The following DACH1 variants were observed in gnomAD, a reference collection of about 807,000 sequenced individuals.
DACH1 encodes dachshund homolog 1.
In DACH1, 12 loss-of-function variants were observed where a neutral mutation model predicts 54.2. That is an observed-to-expected ratio of 0.22 (90% CI 0.14 to 0.36). The LOEUF is 0.36. Ranked by LOEUF, DACH1 falls within the 10% of genes least tolerant of loss-of-function variation. The pLI is 1.00. For synonymous variants in DACH1, 386 were observed against 366.2 expected (o/e 1.05, Z -0.62); for missense variants, 805 against 929.8 (o/e 0.87, Z 1.75).
chr13:71,536,007 C>T (rs1414302258), intron 6 of DACH1, among the ~76,000 whole-genome samples: 1 of 151,846 alleles, frequency 6.6e-6, no homozygotes, highest in Non-Finnish European at 1.5e-5. Context: ...GATTAATTCT[C>T]ATATTTGTTT....
intron 2 of DACH1, among the ~76,000 whole-genome samples, chr13:71,679,585 G>T (rs758600003): frequency 2.3e-4 from 35 of 149,160 alleles, no homozygotes; most frequent in Admixed American, 4.6e-4. Flanking sequence ...TATTAAAATG[G>T]TTATTTAAAA....
At chr13:71,831,930 G>A (rs1042611911) in intron 1 of DACH1, among the ~76,000 whole-genome samples, 1 of 151,846 alleles carries the variant, frequency 6.6e-6, no homozygotes, top group East Asian at 1.9e-4. Flanking sequence ...AGCGACCCTG[G>A]GGTGATTTAT....
At chr13:71,838,019 G>A (rs1326493597) in intron 1 of DACH1, among the ~76,000 whole-genome samples, 1 of 45,860 alleles carries the variant, frequency 2.2e-5, no homozygotes. Flanking sequence ...AGGGGGGAGG[G>A]GGGAGGGAAA....
chr13:71,613,435 G>C (rs897951713), intron 3 of DACH1, among the ~76,000 whole-genome samples: 2 of 152,124 alleles, frequency 1.3e-5, no homozygotes, highest in African/African-American at 2.4e-5. Flanking sequence ...TTTTTTAAAA[G>C]GAAATCTTAT....
In DACH1 at chr13:71,440,701, GA is replaced by G; in HGVS notation, c.2084-10del. On this transcript the variant is annotated splice_polypyrimidine_tract_variant and intron_variant, in intron 10 of 10. Transcript: ENST00000613252. The stretch of plus-strand genomic sequence containing the variant: ...CAAATACAGTCTTCCATCTAGAAAT[GA>G]ACAGTGAAAAATTAATTAATGGCAT... The G allele has an allele frequency of 6.3e-7, 1 of 1,595,768 alleles. No homozygotes were observed. Among genetic ancestry groups the G allele is most frequent in the Non-Finnish European group, 8.5e-7 (1 of 1,169,674 alleles).
At chr13:71,861,089 G>T (rs145196974) in intron 1 of DACH1, among the ~76,000 whole-genome samples, 6 of 151,824 alleles carry the variant, frequency 4.0e-5, no homozygotes, top group Non-Finnish European at 5.9e-5. Flanking sequence ...GTTAATATTT[G>T]TCCCAGTAGT....
chr13:71,680,561 G>A (rs912730786), intron 2 of DACH1, among the ~76,000 whole-genome samples: 1 of 152,162 alleles, frequency 6.6e-6, no homozygotes, highest in Non-Finnish European at 1.5e-5. Context: ...CCACGACTGA[G>A]CGACTGCATT....
intron 1 of DACH1, among the ~76,000 whole-genome samples, chr13:71,806,035 G>A (rs939734215): frequency 6.6e-6 from 1 of 152,078 alleles, no homozygotes. Context: ...TCGAACTCCC[G>A]ACCTCAGGTG....
intron 1 of DACH1, among the ~76,000 whole-genome samples, chr13:71,791,193 T>C (rs1208932853): frequency 6.6e-6 from 1 of 152,182 alleles, no homozygotes; most frequent in Non-Finnish European, 1.5e-5. Flanking sequence ...TCTCTTTACT[T>C]ACACCTAAAA....
chr13:71,580,232 C>T (rs544852915), intron 3 of DACH1, among the ~76,000 whole-genome samples: 3 of 152,156 alleles, frequency 2.0e-5, no homozygotes, highest in Non-Finnish European at 4.4e-5. Flanking sequence ...AGTATCTATG[C>T]TAATTTTGCT....
At chr13:71,561,886 A>G (rs1465119194) in intron 4 of DACH1, among the ~76,000 whole-genome samples, 1 of 152,108 alleles carries the variant, frequency 6.6e-6, no homozygotes, top group African/African-American at 2.4e-5. Flanking sequence ...AAATGAAAAT[A>G]ACCAGAAAAA....
At chr13:71,702,727 A>G (rs1297760972) in intron 1 of DACH1, among the ~76,000 whole-genome samples, 1 of 152,150 alleles carries the variant, frequency 6.6e-6, no homozygotes, top group African/African-American at 2.4e-5. Context: ...CCAAATCGAG[A>G]GTTAATTTTA....
At chr13:71,801,051 A>G (rs1415385270) in intron 1 of DACH1, among the ~76,000 whole-genome samples, 1 of 149,670 alleles carries the variant, frequency 6.7e-6, no homozygotes, top group African/African-American at 2.5e-5. Context: ...CATTATACAC[A>G]TGTAACTTAC....
chr13:71,461,865 ATT>A lies in DACH1; in HGVS notation c.2083+13274_2083+13275del, dbSNP rs1232928219. ...AAGACATCAAAATTATTAATATAAT[ATT>A]GTTTTACCATAGAAATCAAATAATT... is the stretch of plus-strand genomic sequence containing the variant. On this transcript the variant is annotated intron_variant, in intron 10 of 10. Coordinates refer to ENST00000613252, the MANE Select transcript of DACH1 (RefSeq NM_080759.6). 2.6e-5 allele frequency among the ~76,000 whole-genome samples: 4 copies of A among 152,158 alleles called. No individual in the cohort carries two copies. The East Asian group carries it at 5.8e-4, about 22-fold the overall frequency.
intron 1 of DACH1, among the ~76,000 whole-genome samples, chr13:71,732,401 A>G (rs1883791454): frequency 6.6e-6 from 1 of 151,950 alleles, no homozygotes; most frequent in African/African-American, 2.4e-5. Flanking sequence ...CCTGGCCAAC[A>G]TGGTGAAACC....
intron 2 of DACH1, among the ~76,000 whole-genome samples, chr13:71,649,202 A>G (rs1878503585): frequency 6.6e-6 from 1 of 152,186 alleles, no homozygotes; most frequent in South Asian, 2.1e-4. Flanking sequence ...ACCTAGAAGC[A>G]ATAAGCCATA....
At chr13:71,695,673 T>C (rs1318960514) in intron 1 of DACH1, among the ~76,000 whole-genome samples, 1 of 152,200 alleles carries the variant, frequency 6.6e-6, no homozygotes, top group Admixed American at 6.5e-5. Flanking sequence ...AAAGAATCAG[T>C]GAGGCCATTT....
At chr13:71,662,748 C>T (rs928510278) in intron 2 of DACH1, among the ~76,000 whole-genome samples, 3 of 151,816 alleles carry the variant, frequency 2.0e-5, no homozygotes, top group Non-Finnish European at 4.4e-5. Flanking sequence ...TTGTGTTGTA[C>T]AAATGAAGTT....
At chr13:71,678,063 T>C (rs1428167554) in intron 2 of DACH1, among the ~76,000 whole-genome samples, 1 of 152,170 alleles carries the variant, frequency 6.6e-6, no homozygotes. Flanking sequence ...TCCATTTTCT[T>C]TTCACAGGAC....
Sources: allele counts gnomAD v4.1 joint callset (sites outside exome capture counted in the v4.1 genomes callset), GRCh38; gene constraint gnomAD v4.1.1; transcripts MANE v1.5; gene names NCBI Gene and HGNC (gene_info 2026-07-23, HGNC 2026-07-21).